Variants in SCAMP5 observed in about 807,000 individuals in gnomAD.
SCAMP5 encodes secretory carrier membrane protein 5.
A neutral mutation model predicts 28.3 loss-of-function variants in SCAMP5; 7 were observed. The ratio of observed to expected loss-of-function variants is 0.25; its 90% CI spans 0.14 to 0.46. The LOEUF (loss-of-function observed/expected upper bound fraction) is 0.46. Ranked by LOEUF, SCAMP5 falls within the 20% of genes least tolerant of loss-of-function variation. The pLI, the probability that SCAMP5 is intolerant of heterozygous loss-of-function variation, is 0.99. For missense variants in SCAMP5, 192 were observed against 312.5 expected (o/e 0.61, Z 2.91); for synonymous variants, 117 against 116.4 (o/e 1.00, Z -0.03).
intron 1 of SCAMP5, among the ~76,000 whole-genome samples, chr15:75,002,994 G>A (rs1037069386): frequency 2.6e-5 from 4 of 152,080 alleles, no homozygotes; most frequent in East Asian, 1.9e-4. Flanking sequence ...AGTGTGGCAC[G>A]ATCTCAGCTC....
intron 1 of SCAMP5, among the ~76,000 whole-genome samples, chr15:75,006,787 A>C (rs2065764668): frequency 6.6e-6 from 1 of 151,430 alleles, no homozygotes; most frequent in Admixed American, 6.6e-5. Context: ...AAAAAAAAAA[A>C]AACAATTAGC....
At chr15:75,006,644 G>A (rs1217426095) in intron 1 of SCAMP5, among the ~76,000 whole-genome samples, 5 of 152,078 alleles carry the variant, frequency 3.3e-5, no homozygotes, top group African/African-American at 1.2e-4. Context: ...AAAAAAATTC[G>A]CCAGGTGTGG....
At chr15:75,016,017 A>G (rs948338818) in intron 3 of SCAMP5, among the ~76,000 whole-genome samples, 12 of 151,964 alleles carry the variant, frequency 7.9e-5, no homozygotes, top group Non-Finnish European at 1.2e-4. Context: ...GGTAGATGGC[A>G]CAATGGCTAG....
At chr15:75,000,702 T>TG (rs55790040) in intron 1 of SCAMP5, among the ~76,000 whole-genome samples, 2 of 143,910 alleles carry the variant, frequency 1.4e-5, no homozygotes, top group African/African-American at 5.0e-5. Flanking sequence ...TTTTTTTTTT[T>TG]GAAGAGAAGA....
chr15:75,001,525 C>T (rs2065708167), intron 1 of SCAMP5, among the ~76,000 whole-genome samples: 2 of 151,896 alleles, frequency 1.3e-5, no homozygotes, highest in South Asian at 4.2e-4. Flanking sequence ...TCTGTAATCC[C>T]AGCACTTTGG....
At chr15:75,009,293 T>G (rs1363064060) in intron 1 of SCAMP5, among the ~76,000 whole-genome samples, 1 of 152,218 alleles carries the variant, frequency 6.6e-6, no homozygotes, top group Non-Finnish European at 1.5e-5. Flanking sequence ...CCTGATTGTC[T>G]CTATCATACC....
intron 1 of SCAMP5, among the ~76,000 whole-genome samples, chr15:75,003,812 A>G (rs2065731451): frequency 6.6e-6 from 1 of 152,170 alleles, no homozygotes; most frequent in East Asian, 1.9e-4. Context: ...CCTATCTAAA[A>G]TAAATAAATA....
chr15:75,019,133 ATG>A lies in SCAMP5; in HGVS notation c.*152_*153del, dbSNP rs35114784. The A allele has an allele frequency of 1.7e-5, 8 of 462,594 alleles. No individual in the cohort carries two copies. The highest frequency in any genetic ancestry group is 1.1e-4 in the South Asian group (2 of 18,926). The allele number at this position is 462,594 out of a possible 1,614,324, so 28.7% of individuals were successfully genotyped here. A position where few individuals can be genotyped will look rare whatever the true frequency, so the allele number is the denominator to read the frequency against. On this transcript the variant is annotated 3_prime_UTR_variant, in exon 7 of 7. Coordinates refer to ENST00000425597, the MANE Select transcript of SCAMP5 (RefSeq NM_138967.4). ...GGACCAGAGTTATATATATATATAT[ATG>A]TATATGTCTGTACCCCAGCCCCCAC...
intron 1 of SCAMP5, among the ~76,000 whole-genome samples, chr15:75,008,282 G>A (rs7181942): frequency 1.3e-5 from 2 of 151,672 alleles, no homozygotes; most frequent in Non-Finnish European, 2.9e-5. Context: ...TCTACTCATC[G>A]TAGCCCTTCC....
Position 75,020,338 on chromosome 15 carries a change from G to A in SCAMP5, c.*1355G>A, listed in dbSNP as rs2065895344. On this transcript the variant is annotated 3_prime_UTR_variant, in exon 7 of 7. Transcript: ENST00000425597. ...CTTCCCCCACCCTGGCTTGCTCTTGGTCACAGGGCGGTTCTGGGCACTTGA... is the reference window on the plus strand; with the variant it reads ...CTTCCCCCACCCTGGCTTGCTCTTGATCACAGGGCGGTTCTGGGCACTTGA... 1 of 152,776 alleles carries A rather than the reference G, an allele frequency of 6.5e-6. No individual in the cohort carries two copies. Among genetic ancestry groups the A allele is most frequent in the South Asian group, 2.1e-4 (1 of 4,834 alleles). The allele number at this position is 152,776 out of a possible 1,614,324, so 9.5% of individuals were successfully genotyped here. A position where few individuals can be genotyped will look rare whatever the true frequency, so the allele number is the denominator to read the frequency against.
At chr15:75,001,132 G>A (rs1220273609) in intron 1 of SCAMP5, among the ~76,000 whole-genome samples, 1 of 151,854 alleles carries the variant, frequency 6.6e-6, no homozygotes, top group East Asian at 1.9e-4. Context: ...AAATTAGCCG[G>A]GGGTGGTGGC....
At chr15:74,997,777 C>T (rs1193132545) in intron 1 of SCAMP5, among the ~76,000 whole-genome samples, 1 of 152,182 alleles carries the variant, frequency 6.6e-6, no homozygotes, top group African/African-American at 2.4e-5. Flanking sequence ...AGGCAAAGAT[C>T]TGTAGGAGGC....
chr15:75,008,859 T>C (rs191493609), intron 1 of SCAMP5, among the ~76,000 whole-genome samples: 1 of 152,348 alleles, frequency 6.6e-6, no homozygotes, highest in East Asian at 1.9e-4. Flanking sequence ...ATTCAAATAG[T>C]CACATTTAGG....
intron 1 of SCAMP5, among the ~76,000 whole-genome samples, chr15:74,999,872 T>C (rs1363662841): frequency 6.6e-6 from 1 of 152,170 alleles, no homozygotes; most frequent in Non-Finnish European, 1.5e-5. Context: ...TTCATGGCCA[T>C]GGATATTGTT....
chr15:75,000,681 G>GC (rs1319145531), intron 1 of SCAMP5, among the ~76,000 whole-genome samples: 1 of 105,352 alleles, frequency 9.5e-6, no homozygotes, highest in Non-Finnish European at 2.0e-5. Flanking sequence ...ATCGCACCCA[G>GC]CCTTTTTTTT....
At chr15:75,003,200 G>A (rs6495137) in intron 1 of SCAMP5, among the ~76,000 whole-genome samples, 30,444 of 152,178 alleles carry the variant, frequency 0.2, 4,833 homozygotes, top group South Asian at 0.43. Flanking sequence ...TGGGATTACA[G>A]GCGTGAGCCA....
At chr15:75,011,076 A>G (rs1011406371) in intron 1 of SCAMP5, among the ~76,000 whole-genome samples, 1 of 152,072 alleles carries the variant, frequency 6.6e-6, no homozygotes, top group South Asian at 2.1e-4. Flanking sequence ...CTGGTGGTGC[A>G]TGCCTGTAGT....
chr15:75,011,313 G>T (rs185958387), intron 1 of SCAMP5, among the ~76,000 whole-genome samples: 5 of 152,182 alleles, frequency 3.3e-5, no homozygotes, highest in African/African-American at 1.2e-4. Flanking sequence ...CTTGCCTTTT[G>T]TATGATTTAC....
rs916607293 is a variant in SCAMP5 at position 75,003,990 on chromosome 15, C to G, written c.-48-7802C>G. On this transcript the variant is annotated intron_variant, in intron 1 of 6. Coordinates refer to ENST00000425597, the MANE Select transcript of SCAMP5 (RefSeq NM_138967.4). ...CGTGATCTCCGCTCACCGCAACCTCCGCTTCCGGGGTTCAAGCGATTCTCC... is the reference window on the plus strand; with the variant it reads ...CGTGATCTCCGCTCACCGCAACCTCGGCTTCCGGGGTTCAAGCGATTCTCC... 6.6e-5 allele frequency among the ~76,000 whole-genome samples: 10 copies of G among 151,958 alleles called. No homozygotes were observed. In the East Asian group the frequency reaches 1.9e-3, roughly 29 times the overall value.
Sources: gnomAD v4.1 joint callset for allele counts (sites outside exome capture counted in the v4.1 genomes callset) on GRCh38, gnomAD v4.1.1 for gene constraint, MANE v1.5 for transcripts, NCBI Gene and HGNC (gene_info 2026-07-23, HGNC 2026-07-21) for gene names.